KCTD8: variants seen among roughly 807,000 people sequenced by gnomAD.
KCTD8 encodes BTB/POZ domain-containing protein KCTD8.
KCTD8 carries 27 observed loss-of-function variants against 31.5 expected under a neutral mutation model. The observed-to-expected ratio is 0.86, with a 90% confidence interval of 0.63 to 1.18. The LOEUF is 1.18. Among genes scored for constraint, KCTD8 ranks in the 50% most tolerant of loss-of-function variants. The pLI is 0.00. For missense variants in KCTD8, 658 were observed against 647.7 expected (o/e 1.02, Z -0.17); for synonymous variants, 290 against 280.0 (o/e 1.04, Z -0.36).
At chr4:44,247,933 TA>T in intron 1 of KCTD8, among the ~76,000 whole-genome samples, 1 of 152,046 alleles carries the variant, frequency 6.6e-6, no homozygotes, top group East Asian at 1.9e-4. Context: ...CTCAAAAAAT[TA>T]AAAATAGAAC....
At chr4:44,441,924 A>G (rs1721819975) in intron 1 of KCTD8, among the ~76,000 whole-genome samples, 1 of 152,190 alleles carries the variant, frequency 6.6e-6, no homozygotes, top group African/African-American at 2.4e-5. Flanking sequence ...ATGTATATGT[A>G]TTGTACTTTT....
chr4:44,447,603 G>A lies in KCTD8; in HGVS notation c.921C>T (p.Asp307=), dbSNP rs1721975292. 3 of 1,600,174 alleles carry A rather than the reference G, an allele frequency of 1.9e-6. No homozygotes were observed. In the South Asian group the frequency reaches 3.4e-5, roughly 18 times the overall value. The change falls in exon 1 of 2, where the codon GAC becomes GAT. Residue 307 remains aspartate (D), a synonymous_variant. Coordinates refer to ENST00000360029, the MANE Select transcript of KCTD8 (RefSeq NM_198353.3). ...CGGTGTAGCTGCTCCAGATCTTGTC[G>A]TCGCGGTACTGGTTGACGAAGGCGG... The part of the protein sequence containing the change: ...GTAAFVNQYR[D]DKIWSSYTEY...
chr4:44,215,889 G>C (rs1166539512), intron 1 of KCTD8, among the ~76,000 whole-genome samples: 1 of 152,190 alleles, frequency 6.6e-6, no homozygotes, highest in Non-Finnish European at 1.5e-5. Flanking sequence ...CAGGTACCCT[G>C]TGTGATGTCA....
chr4:44,447,529 G>C, intron 1 of KCTD8, 34 bp downstream of exon 1: 3 of 1,502,658 alleles, frequency 2.0e-6, no homozygotes, highest in South Asian at 2.7e-5. Flanking sequence ...CAGGGGGCGA[G>C]GGGTGCTGGG....
Position 44,411,842 on chromosome 4 carries a change from G to A in KCTD8, c.961+35721C>T, listed in dbSNP as rs1720966083. On this transcript the variant is annotated intron_variant, in intron 1 of 1. Transcript: ENST00000360029. ...ATTGACAGCCACCACCAGCAGCTAG[G>A]AAGAGGCATGGAAGGATTCTATTCA... 4.6e-5 allele frequency among the ~76,000 whole-genome samples: 7 copies of A among 152,188 alleles called. No homozygotes were observed. The South Asian group carries it at 1.5e-3, about 32-fold the overall frequency.
chr4:44,394,779 A>G (rs1482999426), intron 1 of KCTD8, among the ~76,000 whole-genome samples: 1 of 152,180 alleles, frequency 6.6e-6, no homozygotes, highest in African/African-American at 2.4e-5. Context: ...TACTTGATTC[A>G]GTGAAGAAAT....
intron 1 of KCTD8, among the ~76,000 whole-genome samples, chr4:44,259,038 T>C (rs1716084120): frequency 1.3e-5 from 2 of 151,942 alleles, no homozygotes; most frequent in South Asian, 4.1e-4. Flanking sequence ...TTTCTAAATA[T>C]ATAATTTCCA....
chr4:44,398,622 A>G (rs748785134), intron 1 of KCTD8, among the ~76,000 whole-genome samples: 9 of 152,204 alleles, frequency 5.9e-5, no homozygotes, highest in Non-Finnish European at 1.0e-4. Flanking sequence ...TCTATCACAG[A>G]ATTAAAGATC....
chr4:44,250,967 AAT>A (rs1715814720), intron 1 of KCTD8, among the ~76,000 whole-genome samples: 1 of 151,744 alleles, frequency 6.6e-6, no homozygotes, highest in African/African-American at 2.4e-5. Context: ...TGCGTTTTTA[AAT>A]AGTTATTTAA....
intron 1 of KCTD8, among the ~76,000 whole-genome samples, chr4:44,218,798 A>G (rs1203981736): frequency 6.6e-6 from 1 of 152,018 alleles, no homozygotes; most frequent in Non-Finnish European, 1.5e-5. Context: ...CACAATATAA[A>G]ATAAGATTTT....
intron 1 of KCTD8, among the ~76,000 whole-genome samples, chr4:44,442,092 CTA>C: frequency 6.6e-6 from 1 of 151,914 alleles, no homozygotes; most frequent in South Asian, 2.1e-4. Context: ...GTCTTTTTAT[CTA>C]TGTGTACACA....
chr4:44,221,347 A>G (rs889997854), intron 1 of KCTD8, among the ~76,000 whole-genome samples: 8 of 148,180 alleles, frequency 5.4e-5, no homozygotes, highest in South Asian at 2.1e-4. Context: ...GTGTGTGTGC[A>G]TGTGTGTGTG....
At chr4:44,180,273 T>G (rs1282773742) in intron 1 of KCTD8, among the ~76,000 whole-genome samples, 4 of 152,166 alleles carry the variant, frequency 2.6e-5, no homozygotes, top group African/African-American at 9.7e-5. Flanking sequence ...CACCATTTAT[T>G]GAAGTGTAAG....
At chr4:44,344,153 A>G (rs1213953377) in intron 1 of KCTD8, among the ~76,000 whole-genome samples, 2 of 151,922 alleles carry the variant, frequency 1.3e-5, no homozygotes, top group Non-Finnish European at 2.9e-5. Context: ...CACCACGCCT[A>G]GCCCACATTA....
intron 1 of KCTD8, among the ~76,000 whole-genome samples, chr4:44,352,712 T>C (rs1372514397): frequency 1.3e-5 from 2 of 151,868 alleles, no homozygotes; most frequent in Non-Finnish European, 2.9e-5. Context: ...ATTGTATCCA[T>C]CTATCTATGT....
intron 1 of KCTD8, among the ~76,000 whole-genome samples, chr4:44,429,848 T>A (rs980757322): frequency 2.6e-5 from 4 of 151,672 alleles, no homozygotes; most frequent in Non-Finnish European, 5.9e-5. Context: ...TCCTCTACTA[T>A]TAGAACAGAA....
intron 1 of KCTD8, among the ~76,000 whole-genome samples, chr4:44,275,011 G>A (rs2109374756): frequency 6.6e-6 from 1 of 152,052 alleles, no homozygotes; most frequent in East Asian, 1.9e-4. Flanking sequence ...AGAAAGTGAA[G>A]TGACTTTCTA....
intron 1 of KCTD8, among the ~76,000 whole-genome samples, chr4:44,333,149 A>C (rs1352394598): frequency 2.0e-5 from 3 of 152,048 alleles, no homozygotes; most frequent in African/African-American, 7.2e-5. Context: ...CAGTGCAATG[A>C]ATATCTCATA....
intron 1 of KCTD8, among the ~76,000 whole-genome samples, chr4:44,371,646 A>G (rs1719789710): frequency 1.3e-5 from 2 of 152,234 alleles, no homozygotes; most frequent in African/African-American, 4.8e-5. Context: ...CCTAAAACAT[A>G]CACATACAAA....
Sources: allele counts gnomAD v4.1 joint callset (sites outside exome capture counted in the v4.1 genomes callset), GRCh38; gene constraint gnomAD v4.1.1; transcripts MANE v1.5; gene names NCBI Gene and HGNC (gene_info 2026-07-23, HGNC 2026-07-21).